Variants in CCND3 observed in about 807,000 individuals in gnomAD.
The protein encoded by CCND3 is G1/S-specific cyclin-D3.
A neutral mutation model predicts 28.7 loss-of-function variants in CCND3; 9 were observed. The observed-to-expected ratio is 0.31, with a 90% CI of 0.19 to 0.55. The LOEUF is 0.55. Among genes scored for constraint, CCND3 ranks in the 20% least tolerant of loss-of-function variants. The pLI is 0.93. For missense variants in CCND3, 315 were observed against 385.8 expected (o/e 0.82, Z 1.54); for synonymous variants, 164 against 163.9 (o/e 1.00, Z 0.00).
chr6:42,010,384 G>T (rs967992580), intron 1 of CCND3, among the ~76,000 whole-genome samples: 2 of 152,186 alleles, frequency 1.3e-5, no homozygotes, highest in African/African-American at 4.8e-5. Context: ...TTTTGAATGA[G>T]GGGGAGGAAA....
chr6:41,941,198 C>G lies in CCND3; in HGVS notation c.198+254G>C. 7.0e-7 allele frequency: 1 copy of G among 1,438,144 alleles called. No individual in the cohort carries two copies. The highest frequency in any genetic ancestry group is 1.5e-5 in the South Asian group (1 of 67,596). 89.1% of individuals were successfully genotyped at this position (1,438,144 alleles called of 1,614,324 possible). On this transcript the variant is annotated intron_variant, in intron 1 of 4. Transcript: ENST00000372991. This position sits in a 1 kb window ranked among gnomAD's most constrained non-coding sequence, Gnocchi z 6.1. ...CGAAGGGGAGAGAGTGTCCTTGGTC[C>G]CGTTTGCTCGGCCCGAAGAGAGGCA...
rs191557186 is a variant in CCND3, at chr6:42,038,312, G to A, written c.-46+10189C>T. On this transcript the variant is annotated intron_variant, in intron 1 of 4. Coordinates refer to the CCND3 transcript ENST00000372988. ...CCAGCACTTTGGGTGGCCAAGGTGG[G>A]CAGATCGCTTGAGCCCAGGAGTTCA... 2.3e-4 allele frequency among the ~76,000 whole-genome samples: 35 copies of A among 152,112 alleles called. 1 individual carries two copies. The East Asian group carries it at 4.8e-3, about 21-fold the overall frequency.
At chr6:41,996,108 CAT>C (rs141940663) in intron 1 of CCND3, among the ~76,000 whole-genome samples, 5 of 125,526 alleles carry the variant, frequency 4.0e-5, no homozygotes, top group African/African-American at 1.1e-4. Flanking sequence ...AATCTGCTCT[CAT>C]ATATATATAT....
At chr6:41,991,261 G>A (rs1762640044) in intron 1 of CCND3, among the ~76,000 whole-genome samples, 2 of 152,076 alleles carry the variant, frequency 1.3e-5, no homozygotes, top group African/African-American at 4.8e-5. Flanking sequence ...GTTTCACCAT[G>A]TTGGCCAGGC....
At chr6:41,978,431 G>A (rs991840007) in intron 1 of CCND3, among the ~76,000 whole-genome samples, 1 of 151,996 alleles carries the variant, frequency 6.6e-6, no homozygotes, top group Non-Finnish European at 1.5e-5. Context: ...AGCTACTTGG[G>A]AGGCTGAGGC....
chr6:41,946,032 C>A (rs979170325), upstream of CCND3, among the ~76,000 whole-genome samples: 4 of 152,152 alleles, frequency 2.6e-5, no homozygotes, highest in Non-Finnish European at 5.9e-5. Flanking sequence ...TGGCTTCTAA[C>A]GGTAAACGCA....
chr6:42,036,546 G>A (rs1764226265), intron 1 of CCND3, among the ~76,000 whole-genome samples: 1 of 149,782 alleles, frequency 6.7e-6, no homozygotes, highest in Non-Finnish European at 1.5e-5. Context: ...CTGGTCTACA[G>A]GCGCACACCA....
chr6:42,048,772 T>TG lies in CCND3; in HGVS notation c.-318dup. 1 of 455,110 alleles carries TG rather than the reference T, an allele frequency of 2.2e-6. No individual in the cohort carries two copies. Among genetic ancestry groups the TG allele is most frequent in the Non-Finnish European group, 4.3e-6 (1 of 229,960 alleles). The allele number at this position is 455,110 out of a possible 1,614,324, so 28.2% of individuals were successfully genotyped here. On this transcript the variant is annotated 5_prime_UTR_variant, in exon 1 of 5. Coordinates refer to the CCND3 transcript ENST00000372988. The surrounding 1 kb of genome is among the most constrained non-coding windows in gnomAD (Gnocchi z 4.7). ...GGAGGAGACAAAGGGGCTGGTGCTC[T>TG]GCTCAGCCAAGTTTCGGTCCCCGGC...
At chr6:42,045,909 C>T (rs796201815) in intron 1 of CCND3, among the ~76,000 whole-genome samples, 5 of 152,282 alleles carry the variant, frequency 3.3e-5, no homozygotes, top group African/African-American at 4.8e-5. Context: ...GGGGCCAGGG[C>T]GTGCCAAGGG....
chr6:42,044,181 G>A (rs568647481), intron 1 of CCND3, among the ~76,000 whole-genome samples: 12 of 152,380 alleles, frequency 7.9e-5, no homozygotes, highest in Admixed American at 3.3e-4. Context: ...GCGGAGGCCT[G>A]CACGTTCTGG....
Position 41,984,875 on chromosome 6 carries a change from C to A in CCND3, c.-45-44290G>T, listed in dbSNP as rs566819575. Among the ~76,000 whole-genome samples, 3 of 152,260 alleles carry A rather than the reference C, an allele frequency of 2.0e-5. No homozygotes were observed. The East Asian group carries it at 5.8e-4, about 29-fold the overall frequency. Reference sequence around the variant, plus strand: ...CTCTGATGATTAATGATGTTAAGTACCTTTTCATGCACAGATCAGCCATGC... The same window carrying A: ...CTCTGATGATTAATGATGTTAAGTAACTTTTCATGCACAGATCAGCCATGC... On this transcript the variant is annotated intron_variant, in intron 1 of 4. Transcript: ENST00000372988.
chr6:41,951,861 C>A (rs552173246), intron 1 of CCND3, among the ~76,000 whole-genome samples: 2 of 152,002 alleles, frequency 1.3e-5, no homozygotes, highest in South Asian at 4.2e-4. Flanking sequence ...CGGGTTCTAG[C>A]AATTCTCCTG....
intron 1 of CCND3, among the ~76,000 whole-genome samples, chr6:41,959,423 GTGA>G (rs1761641209): frequency 1.3e-5 from 2 of 152,156 alleles, no homozygotes; most frequent in Admixed American, 6.5e-5. Flanking sequence ...GCTCACGCCT[GTGA>G]GCCAGGCCAG....
Position 41,936,216 on chromosome 6 carries a change from G to GC in CCND3, c.712-110dup. 1 of 1,212,296 alleles carries GC rather than the reference G, an allele frequency of 8.2e-7. No individual in the cohort carries two copies. The highest frequency in any genetic ancestry group is 2.4e-5 in the East Asian group (1 of 42,054). The allele number at this position is 1,212,296 out of a possible 1,614,324, so 75.1% of individuals were successfully genotyped here. A position where few individuals can be genotyped will look rare whatever the true frequency, so the allele number is the denominator to read the frequency against. On this transcript the variant is annotated intron_variant, in intron 4 of 4. Coordinates refer to ENST00000372991, the MANE Select transcript of CCND3 (RefSeq NM_001760.5). This position sits in a 1 kb window ranked among gnomAD's most constrained non-coding sequence, Gnocchi z 4.4. The stretch of plus-strand genomic sequence containing the variant: ...ACATGGGGAAGTCTGGGGAGGTTAG[G>GC]CCACAGCCCGGCCCCAGGAATCGCT...
chr6:42,046,125 C>T (rs78605379), intron 1 of CCND3, among the ~76,000 whole-genome samples: 25,316 of 152,204 alleles, frequency 0.17, 2,446 homozygotes, highest in South Asian at 0.24. Flanking sequence ...GACAGATGCA[C>T]GAAGTGCTTT....
Position 42,041,793 on chromosome 6 carries a change from C to T in CCND3, c.-46+6708G>A, listed in dbSNP as rs61463346. On this transcript the variant is annotated intron_variant, in intron 1 of 4. Transcript: ENST00000372988. ...GACTTTGCGAATAATAAACAGACGT[C>T]TTCCCAGGGACAGGCAGACTGGGGG... Among the ~76,000 whole-genome samples, 531 of 152,308 alleles carry T rather than the reference C, an allele frequency of 3.5e-3. 12 individuals are homozygous for T. In the East Asian group the frequency reaches 0.05, roughly 14 times the overall value.
rs796312427 is a variant in CCND3 at position 42,015,680 on chromosome 6, G to A, written c.-46+32821C>T. On this transcript the variant is annotated intron_variant, in intron 1 of 4. Coordinates refer to the CCND3 transcript ENST00000372988. ...AGCGGAGATCACGCCACTGCACTCC[G>A]GCCTGGGCAACAAAGCAAGACTCCA... 6.5e-4 allele frequency among the ~76,000 whole-genome samples: 98 copies of A among 151,252 alleles called. 1 individual carries two copies. The highest frequency in any genetic ancestry group is 1.2e-3 in the African/African-American group (51 of 41,204).
In CCND3 at chr6:42,021,567, C is replaced by T. The variant is rs1222386305; in HGVS notation, c.-46+26934G>A. Among the ~76,000 whole-genome samples the T allele has an allele frequency of 2.0e-5, 3 of 152,130 alleles. No individual in the cohort carries two copies. In the East Asian group the frequency reaches 5.8e-4, roughly 29 times the overall value. On this transcript the variant is annotated intron_variant, in intron 1 of 4. Coordinates refer to the CCND3 transcript ENST00000372988. ...GGACAATAATAGGTGTTGTTATCCACACATAATACACACTAGGAAACACCA... is the reference window on the plus strand; with the variant it reads ...GGACAATAATAGGTGTTGTTATCCATACATAATACACACTAGGAAACACCA...
At chr6:42,044,371 G>C (rs1336523298) in intron 1 of CCND3, among the ~76,000 whole-genome samples, 1 of 152,198 alleles carries the variant, frequency 6.6e-6, no homozygotes, top group Non-Finnish European at 1.5e-5. Flanking sequence ...GTCACCCCAA[G>C]GTGACACACG....
Sources: gnomAD v4.1 joint callset for allele counts (sites outside exome capture counted in the v4.1 genomes callset) on GRCh38, gnomAD v4.1.1 for gene constraint, Gnocchi (gnomAD v3.1) non-coding constraint, MANE v1.5 for transcripts, NCBI Gene and HGNC (gene_info 2026-07-23, HGNC 2026-07-21) for gene names.